NOP14: variants seen among roughly 807,000 people sequenced by gnomAD.
The protein encoded by NOP14 is nucleolar protein 14.
NOP14 carries 57 observed loss-of-function variants against 101.6 expected under a neutral mutation model. That is an observed-to-expected ratio of 0.56 (90% CI 0.45 to 0.70). The LOEUF (loss-of-function observed/expected upper bound fraction) is 0.70. Among genes scored for constraint, NOP14 ranks in the 30% least tolerant of loss-of-function variants. The pLI is 0.00. For synonymous variants in NOP14, 428 were observed against 424.0 expected, an observed-to-expected ratio of 1.01 and a Z score of -0.12; for missense variants, 1,134 against 1,075.5, an observed-to-expected ratio of 1.05 and a Z score of -0.76.
Position 2,942,308 on chromosome 4 carries a change from C to G in NOP14, c.1935G>C (p.Ser645=), listed in dbSNP as rs778767912. ...VHPFRALGKN[S]ELLVVSARED... is the part of the protein sequence containing the mutation. ...CTCTAGCAGACACCACGAGCAGTTCCGAGTTCTTCCCAAGCGCTCTGAAAG... is the reference window on the plus strand; with the variant it reads ...CTCTAGCAGACACCACGAGCAGTTCGGAGTTCTTCCCAAGCGCTCTGAAAG... Residue 645 remains serine (S), a synonymous_variant, in exon 14 of 18, where the codon TCG becomes TCC. Coordinates refer to ENST00000416614, the MANE Select transcript of NOP14 (RefSeq NM_001291978.2). 6.2e-7 allele frequency: 1 copy of G among 1,614,028 alleles called. No individual in the cohort carries two copies. The highest frequency in any genetic ancestry group is 8.5e-7 in the Non-Finnish European group (1 of 1,180,020).
At chr4:2,943,356 C>G (rs1310080423) in intron 13 of NOP14, among the ~76,000 whole-genome samples, 1 of 152,210 alleles carries the variant, frequency 6.6e-6, no homozygotes, top group East Asian at 1.9e-4. Flanking sequence ...GCCTTGAGGT[C>G]CAACCTCTGG....
intron 3 of NOP14, 151 bp from the exon 4 acceptor site, chr4:2,954,714 AC>A: frequency 1.1e-6 from 1 of 916,732 alleles, no homozygotes; most frequent in Non-Finnish European, 1.6e-6. Flanking sequence ...CTGGCCTGAG[AC>A]CACAGGCACA....
intron 14 of NOP14, 156 bp downstream of exon 14, chr4:2,942,036 A>G: frequency 1.4e-6 from 1 of 723,648 alleles, no homozygotes; most frequent in Admixed American, 2.6e-5. Context: ...AAGGGACAGC[A>G]AGCCAACATG....
At position 2,941,516 on chromosome 4, in the gene NOP14, G is replaced by A. The variant is rs933114970; in HGVS notation, c.2199+66C>T. 11 of 1,491,158 alleles carry A rather than the reference G, an allele frequency of 7.4e-6. No homozygotes were observed. The East Asian group carries it at 9.2e-5, about 12-fold the overall frequency. 92.4% of individuals were successfully genotyped at this position (1,491,158 alleles called of 1,614,324 possible). On this transcript the variant is annotated intron_variant, in intron 15 of 17. Transcript: ENST00000416614. ...AGCATCAAATGACTGACTGCCACCAGCTTGGCCCCAGCTCAGGGACATGTC... is the reference window on the plus strand; with the variant it reads ...AGCATCAAATGACTGACTGCCACCAACTTGGCCCCAGCTCAGGGACATGTC...
Position 2,946,422 on chromosome 4 carries a change from C to T in NOP14, c.1625G>A (p.Gly542Glu). The part of the protein sequence containing the change: ...IETKGRAALP[G>E]LDVLIYLKIT... The stretch of plus-strand genomic sequence containing the variant: ...CTGAACTCTGCTTACCACATCCAAC[C>T]CTGGCAATGCCGCCCGGCCTTTGGT... Residue 542 changes from glycine to glutamate, a missense_variant, in exon 11 of 18, where the codon GGG (glycine) becomes GAG (glutamate). Physicochemically the swap from Gly to Glu is moderately conservative, Grantham distance 98. Transcript: ENST00000416614. 1 of 1,614,240 alleles carries T rather than the reference C, an allele frequency of 6.2e-7. No homozygotes were observed. The highest frequency in any genetic ancestry group is 8.5e-7 in the Non-Finnish European group (1 of 1,180,034).
At chr4:2,946,636 C>G (rs1714666128) in intron 10 of NOP14, 89 bp from the exon 11 acceptor site, 2 of 1,210,190 alleles carry the variant, frequency 1.7e-6, no homozygotes, top group Admixed American at 3.7e-5. Context: ...ATGCAGTCAC[C>G]TGTTGACTGA....
intron 15 of NOP14, among the ~76,000 whole-genome samples, chr4:2,939,951 T>G (rs976692323): frequency 6.6e-6 from 1 of 152,238 alleles, no homozygotes; most frequent in Non-Finnish European, 1.5e-5. Flanking sequence ...CACCATAGCC[T>G]GTGCTCCTCA....
chr4:2,941,787 CAAT>C (rs2109292390), intron 14 of NOP14, 58 bp from the exon 15 acceptor site: 2 of 1,553,122 alleles, frequency 1.3e-6, no homozygotes, highest in South Asian at 2.4e-5. Context: ...CTGACAAAAC[CAAT>C]AACGTGGCAA....
In NOP14 at chr4:2,938,041, C is replaced by A. The variant is rs1296661781; in HGVS notation, c.*790G>T. On this transcript the variant is annotated 3_prime_UTR_variant, in exon 18 of 18. Coordinates refer to ENST00000416614, the MANE Select transcript of NOP14 (RefSeq NM_001291978.2). The stretch of plus-strand genomic sequence containing the variant: ...ATTACACTGGCCAGAATCCCCAGTC[C>A]CCATGAGGCTTGTCCAGACGCAGTG... 2.8e-6 allele frequency: 1 copy of A among 353,766 alleles called. No individual in the cohort carries two copies. Among genetic ancestry groups the A allele is most frequent in the East Asian group, 1.2e-4 (1 of 8,266 alleles). 21.9% of individuals were successfully genotyped at this position (353,766 alleles called of 1,614,324 possible).
intron 1 of NOP14, among the ~76,000 whole-genome samples, chr4:2,961,949 G>A (rs936253998): frequency 5.9e-5 from 9 of 152,172 alleles, no homozygotes; most frequent in Non-Finnish European, 1.3e-4. Context: ...TGTCCTATTT[G>A]GGTTACATAG....
chr4:2,953,768 A>C (rs2109308801), intron 4 of NOP14, 123 bp from the exon 5 acceptor site: 2 of 1,046,612 alleles, frequency 1.9e-6, no homozygotes, highest in East Asian at 4.8e-5. Context: ...GTTTCAACAC[A>C]GAAAAGAGGC....
chr4:2,941,068 CAGCCTG>C, intron 15 of NOP14: 1 of 156,590 alleles, frequency 6.4e-6, no homozygotes, highest in Non-Finnish European at 1.4e-5. Flanking sequence ...ATGCAGGGTA[CAGCCTG>C]TCAGGGTCAG....
rs145990441 is a variant in NOP14, at chr4:2,946,335, G to A, written c.1635+77C>T. ...AGCACAGGGTACAGCCAAGAGCATC[G>A]TACCCGTCGTCCACCTTCTGTGATG... On this transcript the variant is annotated intron_variant, in intron 11 of 17. Transcript: ENST00000416614. 46 of 1,542,316 alleles carry A rather than the reference G, an allele frequency of 3.0e-5. No individual in the cohort carries two copies. In the Middle Eastern group the frequency reaches 8.8e-4, roughly 30 times the overall value.
At chr4:2,960,762 A>G (rs1171746520) in intron 1 of NOP14, among the ~76,000 whole-genome samples, 3 of 87,990 alleles carry the variant, frequency 3.4e-5, no homozygotes, top group East Asian at 4.8e-4. Flanking sequence ...TAATCACATT[A>G]ATATTAATAT....
chr4:2,950,028 TG>T lies in NOP14; in HGVS notation c.1187del (p.Ala396GlufsTer12). The T allele has an allele frequency of 6.2e-7, 1 of 1,614,236 alleles. No homozygotes were observed. The highest frequency in any genetic ancestry group is 8.5e-7 in the Non-Finnish European group (1 of 1,180,046). ...TCCCAGGAGTCTGCCTCTGCTCTTT[TG>T]CTGGCTTCTCGTTTTCTTCCTCACT... The part of the protein sequence containing the change: ...VESEEENEKP[A>X]KEQRQTPGKG... On this transcript the variant is annotated frameshift_variant, in exon 8 of 18. Coordinates refer to ENST00000416614, the MANE Select transcript of NOP14 (RefSeq NM_001291978.2). LOFTEE classifies it high-confidence loss of function.
intron 15 of NOP14, chr4:2,940,957 C>T (rs896553602): frequency 6.5e-6 from 1 of 152,836 alleles, no homozygotes; most frequent in Non-Finnish European, 1.5e-5. Context: ...GGCACTGATG[C>T]CTTCGGCTCC....
At chr4:2,947,943 G>A (rs1353681677) in intron 9 of NOP14, among the ~76,000 whole-genome samples, 2 of 152,242 alleles carry the variant, frequency 1.3e-5, no homozygotes, top group Admixed American at 6.5e-5. Context: ...AAAGAGGCAC[G>A]ATCACAGCCA....
chr4:2,959,778 A>G (rs974798816), intron 1 of NOP14, among the ~76,000 whole-genome samples: 7 of 152,176 alleles, frequency 4.6e-5, no homozygotes, highest in African/African-American at 1.7e-4. Flanking sequence ...TGAACCACAC[A>G]CAGTACTGAA....
chr4:2,947,601 C>A lies in NOP14; in HGVS notation c.1424G>T (p.Gly475Val), dbSNP rs779604247. 1.1e-5 allele frequency: 18 copies of A among 1,613,754 alleles called. No homozygotes were observed. In the South Asian group the frequency reaches 2.0e-4, roughly 18 times the overall value. The change falls in exon 10 of 18, where the codon GGC becomes GTC. Residue 475 changes from glycine to valine, a missense_variant. Coordinates refer to ENST00000416614, the MANE Select transcript of NOP14 (RefSeq NM_001291978.2). ...ATCGCCAACGTATTCCAAAAGAAAG[C>A]CAAACAGTTTCTGCAGGAACATGAA... ...GNKAKLEKLF[G>V]FLLEYVGDLA...
Sources: gnomAD v4.1 joint callset for allele counts (sites outside exome capture counted in the v4.1 genomes callset) on GRCh38, gnomAD v4.1.1 for gene constraint, MANE v1.5 for transcripts, NCBI Gene and HGNC (gene_info 2026-07-23, HGNC 2026-07-21) for gene names.